UVRAG: variants seen among roughly 807,000 people sequenced by gnomAD.
The protein encoded by UVRAG is UV radiation resistance associated.
Under a neutral mutation model 78.0 loss-of-function variants are expected in UVRAG, and 19 were observed. That is an observed-to-expected ratio of 0.24 (90% CI 0.17 to 0.36). UVRAG has a LOEUF of 0.36. Among genes scored for constraint, UVRAG ranks in the 10% least tolerant of loss-of-function variants. The pLI, the probability that UVRAG is intolerant of heterozygous loss-of-function variation, is 1.00. For synonymous variants in UVRAG, 323 were observed against 324.6 expected, an observed-to-expected ratio of 1.00 and a Z score of 0.05; for missense variants, 740 against 853.8, an observed-to-expected ratio of 0.87 and a Z score of 1.66.
intron 6 of UVRAG, among the ~76,000 whole-genome samples, chr11:75,949,714 TACAC>T (rs1555093473): frequency 2.2e-4 from 30 of 136,866 alleles, no homozygotes; most frequent in African/African-American, 3.2e-4. Context: ...TATATATATA[TACAC>T]ACACACACAC....
intron 6 of UVRAG, among the ~76,000 whole-genome samples, chr11:75,931,581 C>T (rs927060235): frequency 2.0e-5 from 3 of 152,178 alleles, no homozygotes; most frequent in South Asian, 2.1e-4. Flanking sequence ...TAAAAGTTCT[C>T]GTTCAACCCT....
chr11:76,137,757 C>T (rs1952626070), intron 14 of UVRAG: 2 of 313,226 alleles, frequency 6.4e-6, no homozygotes, highest in Non-Finnish European at 1.2e-5. Context: ...AAATAAAAAA[C>T]ATTAGCCGGG....
At position 75,911,969 on chromosome 11, in the gene UVRAG, C is replaced by A; in HGVS notation, c.523C>A (p.Gln175Lys). The A allele has an allele frequency of 6.2e-7, 1 of 1,611,850 alleles. No individual in the cohort carries two copies. The highest frequency in any genetic ancestry group is 8.5e-7 in the Non-Finnish European group (1 of 1,178,486). ...PFEHKGYSNA[Q>K]KTILLQVDQN... ...TGTCTTTCAGGGTTATTCAAATGCTCAGAAGACTATTCTTCTGCAGGTGGA... is the reference window on the plus strand; with the variant it reads ...TGTCTTTCAGGGTTATTCAAATGCTAAGAAGACTATTCTTCTGCAGGTGGA... The change falls in exon 6 of 15, where the codon CAG (glutamine) becomes AAG (lysine). Residue 175 changes from glutamine to lysine, a missense_variant. Physicochemically the swap from Gln to Lys is moderately conservative, Grantham distance 53 (BLOSUM62 1). Transcript: ENST00000356136.
intron 5 of UVRAG, among the ~76,000 whole-genome samples, chr11:75,908,567 T>C (rs553630290): frequency 6.6e-6 from 1 of 152,280 alleles, no homozygotes; most frequent in Non-Finnish European, 1.5e-5. Context: ...TTGTGACATT[T>C]TGTCTGGCTT....
Position 75,893,576 on chromosome 11 carries a change from G to T in UVRAG, c.507+4673G>T, listed in dbSNP as rs924068369. Among the ~76,000 whole-genome samples, 3 of 149,330 alleles carry T rather than the reference G, an allele frequency of 2.0e-5. No homozygotes were observed. The Admixed American group carries it at 2.0e-4, about 10-fold the overall frequency. The stretch of plus-strand genomic sequence containing the variant: ...GCCAGAAGAAATAGGTCTTCAATGC[G>T]CTGTTAATTATTAATTGTTTCTAGT... On this transcript the variant is annotated intron_variant, in intron 5 of 14. Coordinates refer to ENST00000356136, the MANE Select transcript of UVRAG (RefSeq NM_003369.4).
intron 1 of UVRAG, among the ~76,000 whole-genome samples, chr11:75,834,791 G>A (rs183009169): frequency 1.1e-4 from 16 of 152,112 alleles, no homozygotes. Context: ...TCCAGCTTGG[G>A]CAACAGAGTG....
intron 4 of UVRAG, among the ~76,000 whole-genome samples, chr11:75,882,481 C>T (rs568972717): frequency 2.8e-4 from 43 of 151,516 alleles, no homozygotes; most frequent in Non-Finnish European, 5.9e-4. Flanking sequence ...CCACTGCACT[C>T]CAGCCTGGGT....
At chr11:75,874,296 C>A (rs1946716451) in intron 3 of UVRAG, among the ~76,000 whole-genome samples, 1 of 151,906 alleles carries the variant, frequency 6.6e-6, no homozygotes, top group African/African-American at 2.4e-5. Context: ...CACACACACA[C>A]AAAATGAACA....
intron 12 of UVRAG, among the ~76,000 whole-genome samples, chr11:76,029,632 C>T (rs529512703): frequency 2.5e-4 from 38 of 152,242 alleles, no homozygotes; most frequent in African/African-American, 8.9e-4. Flanking sequence ...TGAGGAGTTG[C>T]ATCTTATGGA....
intron 1 of UVRAG, among the ~76,000 whole-genome samples, chr11:75,837,242 G>A (rs948280551): frequency 2.0e-5 from 3 of 150,908 alleles, no homozygotes; most frequent in African/African-American, 4.9e-5. Flanking sequence ...CAGGAGAATC[G>A]TGTGACCTCG....
chr11:76,121,278 C>T (rs1159944254), intron 14 of UVRAG, among the ~76,000 whole-genome samples: 2 of 152,178 alleles, frequency 1.3e-5, no homozygotes, highest in African/African-American at 2.4e-5. Context: ...TGATTTATGC[C>T]AGGTCTTTCC....
In UVRAG at chr11:76,141,026, C is replaced by T. The variant is rs753287391; in HGVS notation, c.1713C>T (p.Ser571=). 1.3e-5 allele frequency: 21 copies of T among 1,614,020 alleles called. No individual in the cohort carries two copies. The highest frequency in any genetic ancestry group is 1.8e-5 in the Non-Finnish European group (21 of 1,180,042). ...NKKKGEDLVG[S]LNGGHANVHP... is the part of the protein sequence containing the mutation. ...AAAAAGGAGAGGATCTAGTTGGCAG[C>T]TTAAACGGAGGCCACGCGAATGTGC... Residue 571 remains serine (S), a synonymous_variant, in exon 15 of 15, where the codon AGC becomes AGT. Coordinates refer to ENST00000356136, the MANE Select transcript of UVRAG (RefSeq NM_003369.4).
At chr11:75,987,103 A>T (rs1170651528) in intron 8 of UVRAG, among the ~76,000 whole-genome samples, 35 of 152,162 alleles carry the variant, frequency 2.3e-4, no homozygotes, top group Admixed American at 2.3e-3. Flanking sequence ...GTTTGATTTC[A>T]TTCCTGTTAC....
intron 13 of UVRAG, among the ~76,000 whole-genome samples, chr11:76,083,334 A>G (rs1337257905): frequency 1.3e-5 from 2 of 152,176 alleles, no homozygotes. Flanking sequence ...TCATGTTATA[A>G]AAAGATAAAT....
chr11:75,892,168 A>G (rs1033880043), intron 5 of UVRAG, among the ~76,000 whole-genome samples: 39 of 152,306 alleles, frequency 2.6e-4, no homozygotes, highest in Non-Finnish European at 4.7e-4. Context: ...CAAAGTTTGT[A>G]TGCGTGGTTA....
intron 8 of UVRAG, among the ~76,000 whole-genome samples, chr11:76,002,716 T>C (rs144944504): frequency 6.8e-4 from 104 of 152,280 alleles, no homozygotes; most frequent in African/African-American, 2.4e-3. Flanking sequence ...TTAAATTCTG[T>C]TGGGGTCAGA....
chr11:75,946,561 G>A lies in UVRAG; in HGVS notation c.594-14883G>A, dbSNP rs549869967. 6.6e-5 allele frequency among the ~76,000 whole-genome samples: 10 copies of A among 152,348 alleles called. No individual in the cohort carries two copies. In the South Asian group the frequency reaches 2.1e-3, roughly 32 times the overall value. On this transcript the variant is annotated intron_variant, in intron 6 of 14. Coordinates refer to ENST00000356136, the MANE Select transcript of UVRAG (RefSeq NM_003369.4). Reference sequence around the variant, plus strand: ...TCTCTGCTTATGGTCTCATGAGGCTGAAATCAGTGTCAGCTGCGCTGTGTT... The same window carrying A: ...TCTCTGCTTATGGTCTCATGAGGCTAAAATCAGTGTCAGCTGCGCTGTGTT...
intron 14 of UVRAG, among the ~76,000 whole-genome samples, chr11:76,139,393 A>G (rs1308015322): frequency 6.6e-6 from 1 of 152,226 alleles, no homozygotes; most frequent in African/African-American, 2.4e-5. Flanking sequence ...CAGGACTGGT[A>G]GCTCCTTGGA....
At chr11:75,835,004 A>T (rs1485775761) in intron 1 of UVRAG, among the ~76,000 whole-genome samples, 2 of 152,110 alleles carry the variant, frequency 1.3e-5, no homozygotes, top group Admixed American at 6.6e-5. Flanking sequence ...AAAAAAGAAT[A>T]TGTAATTATT....
Sources: gnomAD v4.1 joint callset for allele counts (sites outside exome capture counted in the v4.1 genomes callset) on GRCh38, gnomAD v4.1.1 for gene constraint, MANE v1.5 for transcripts, NCBI Gene and HGNC (gene_info 2026-07-23, HGNC 2026-07-21) for gene names.